DDX60: variants seen among roughly 807,000 people sequenced by gnomAD.
The protein encoded by DDX60 is probable ATP-dependent RNA helicase DDX60.
A neutral mutation model predicts 212.8 loss-of-function variants in DDX60; 165 were observed. The observed-to-expected ratio is 0.78, with a 90% confidence interval of 0.68 to 0.88. DDX60 has a LOEUF of 0.88. Among genes scored for constraint, DDX60 ranks in the 40% least tolerant of loss-of-function variants. DDX60 has a pLI of 0.00. For synonymous variants in DDX60, 703 were observed against 685.3 expected, an observed-to-expected ratio of 1.03 and a Z score of -0.40; for missense variants, 1,905 against 2,003.9, an observed-to-expected ratio of 0.95 and a Z score of 0.94.
chr4:168,319,962 ATTAC>A (rs1737563714), upstream of DDX60, among the ~76,000 whole-genome samples: 1 of 152,166 alleles, frequency 6.6e-6, no homozygotes, highest in Non-Finnish European at 1.5e-5. Context: ...CCATCAGACA[ATTAC>A]TTGTTTATTC....
intron 9 of DDX60, 65 bp downstream of exon 9, chr4:168,288,109 G>T: frequency 9.0e-7 from 1 of 1,106,988 alleles, no homozygotes; most frequent in African/African-American, 1.6e-5. Flanking sequence ...TTATTTTGTA[G>T]TTTTAAATTC....
At chr4:168,236,172 C>G (rs1733623534) in intron 33 of DDX60, 80 bp downstream of exon 33, 1 of 1,362,176 alleles carries the variant, frequency 7.3e-7, no homozygotes, top group African/African-American at 1.5e-5. Context: ...AATTAAAATT[C>G]TACAGCTGCT....
intron 1 of DDX60, among the ~76,000 whole-genome samples, chr4:168,312,350 G>A (rs1446551578): frequency 6.6e-6 from 1 of 152,130 alleles, no homozygotes; most frequent in African/African-American, 2.4e-5. Context: ...AAGTCTAGAG[G>A]ACAAATACAA....
At chr4:168,247,861 C>T (rs75439856) in intron 29 of DDX60, among the ~76,000 whole-genome samples, 4,710 of 152,240 alleles carry the variant, frequency 0.031, 227 homozygotes, top group African/African-American at 0.11. Context: ...TATCAAGCAC[C>T]TTTGATGTCT....
rs777675895 is a variant in DDX60, at chr4:168,260,939, T to C, written c.3324A>G (p.Glu1108=). 2 of 1,613,580 alleles carry C rather than the reference T, an allele frequency of 1.2e-6. No homozygotes were observed. Among genetic ancestry groups the C allele is most frequent in the South Asian group, 1.1e-5 (1 of 91,012 alleles). ...NLSPEADLSP[E]NMITMFPLLV... ...GAAGTGGAAACATGGTGATCATGTTTTCTGGACTCAAATCTGCTTCAGGAC... is the reference window on the plus strand; with the variant it reads ...GAAGTGGAAACATGGTGATCATGTTCTCTGGACTCAAATCTGCTTCAGGAC... Residue 1108 remains glutamate, a synonymous_variant, in exon 25 of 38, where the codon GAA becomes GAG. Transcript: ENST00000393743.
In DDX60 at chr4:168,283,607, C is replaced by G. The variant is rs1442266638; in HGVS notation, c.1562-1G>C. Reference sequence around the variant, plus strand: ...AGAACACGAGGGTCTCTAGATTTTTCTGAAAAAGAAAAGACTTAAAATGTA... The same window carrying G: ...AGAACACGAGGGTCTCTAGATTTTTGTGAAAAAGAAAAGACTTAAAATGTA... On this transcript the variant is annotated splice_acceptor_variant, in intron 12 of 37. Coordinates refer to ENST00000393743, the MANE Select transcript of DDX60 (RefSeq NM_017631.6). LOFTEE classifies it high-confidence loss of function. 6.3e-7 allele frequency: 1 copy of G among 1,588,094 alleles called. No individual in the cohort carries two copies. Among genetic ancestry groups the G allele is most frequent in the Non-Finnish European group, 8.6e-7 (1 of 1,169,234 alleles).
chr4:168,322,102 T>C (rs1235997464), upstream of DDX60, among the ~76,000 whole-genome samples: 1 of 152,156 alleles, frequency 6.6e-6, no homozygotes, highest in Non-Finnish European at 1.5e-5. Context: ...CCAATGAGGA[T>C]CCACTAATTG....
Position 168,252,492 on chromosome 4 carries a change from A to T in DDX60, c.3705+17T>A. On this transcript the variant is annotated intron_variant, in intron 27 of 37. Transcript: ENST00000393743. ...AAATGAAATAGTTTGGAGAACGATC[A>T]GGTTGTAAGTGCTGACCTCAGTGTC... 1 of 1,611,694 alleles carries T rather than the reference A, an allele frequency of 6.2e-7. No homozygotes were observed. Among genetic ancestry groups the T allele is most frequent in the Non-Finnish European group, 8.5e-7 (1 of 1,179,324 alleles).
intron 10 of DDX60, among the ~76,000 whole-genome samples, chr4:168,286,603 T>C (rs1735872564): frequency 6.6e-6 from 1 of 152,104 alleles, no homozygotes; most frequent in Admixed American, 6.6e-5. Context: ...GGATCCTTTC[T>C]TATTTAAGCC....
At chr4:168,303,533 C>G (rs1736741299) in intron 5 of DDX60, among the ~76,000 whole-genome samples, 1 of 152,134 alleles carries the variant, frequency 6.6e-6, no homozygotes, top group South Asian at 2.1e-4. Context: ...AGCCACAGAC[C>G]ACTTATATGT....
chr4:168,239,467 A>G (rs924397523), intron 30 of DDX60, among the ~76,000 whole-genome samples: 3 of 152,162 alleles, frequency 2.0e-5, no homozygotes, highest in African/African-American at 7.2e-5. Context: ...AGATAGATCA[A>G]TGTAGATAGA....
chr4:168,249,331 CTTTCTT>C (rs1426704198), intron 28 of DDX60, among the ~76,000 whole-genome samples: 1 of 152,046 alleles, frequency 6.6e-6, no homozygotes, highest in Non-Finnish European at 1.5e-5. Flanking sequence ...ATCATCTTCT[CTTTCTT>C]TTTATATTGA....
intron 14 of DDX60, among the ~76,000 whole-genome samples, chr4:168,278,273 G>A (rs1182696884): frequency 1.3e-5 from 2 of 152,190 alleles, no homozygotes; most frequent in Non-Finnish European, 2.9e-5. Context: ...AAAGAAATCC[G>A]TGCTAGTTTT....
intron 3 of DDX60, among the ~76,000 whole-genome samples, chr4:168,310,675 G>A (rs980636925): frequency 2.0e-5 from 3 of 152,104 alleles, no homozygotes; most frequent in African/African-American, 4.8e-5. Context: ...TTTTGGAGGA[G>A]TAAAAAGTTA....
chr4:168,322,940 G>A (rs1006468698), upstream of DDX60, among the ~76,000 whole-genome samples: 1 of 152,182 alleles, frequency 6.6e-6, no homozygotes, highest in Admixed American at 6.5e-5. Context: ...GAATAATTTT[G>A]CTGGCTGACT....
rs1451014533 is a variant in DDX60 at position 168,239,117 on chromosome 4, G to C, written c.4165-1322C>G. On this transcript the variant is annotated intron_variant, in intron 30 of 37. Coordinates refer to ENST00000393743, the MANE Select transcript of DDX60 (RefSeq NM_017631.6). ...AAATTGATCATCTTCCTAAAATTAT[G>C]GTGATGCTGTAAATATTTACTGAAT... Among the ~76,000 whole-genome samples, 4 of 152,020 alleles carry C rather than the reference G, an allele frequency of 2.6e-5. No homozygotes were observed. In the East Asian group the frequency reaches 7.7e-4, roughly 29 times the overall value.
intron 12 of DDX60, 25 bp downstream of exon 12, chr4:168,284,795 A>G (rs1401675872): frequency 1.3e-5 from 15 of 1,145,812 alleles, no homozygotes; most frequent in Non-Finnish European, 1.7e-5. Flanking sequence ...ATTTAAATTT[A>G]TATCACTGGA....
At chr4:168,229,421 T>C (rs944635841) in intron 33 of DDX60, among the ~76,000 whole-genome samples, 1 of 152,052 alleles carries the variant, frequency 6.6e-6, no homozygotes, top group Non-Finnish European at 1.5e-5. Flanking sequence ...GCCAATGGAA[T>C]TGGGGAAAGA....
chr4:168,323,621 G>A (rs770465487), upstream of DDX60, among the ~76,000 whole-genome samples: 1 of 152,174 alleles, frequency 6.6e-6, no homozygotes, highest in Non-Finnish European at 1.5e-5. Context: ...CTCCAAAGGG[G>A]ATAAGAAATG....
Sources: gnomAD v4.1 joint callset for allele counts (sites outside exome capture counted in the v4.1 genomes callset) on GRCh38, gnomAD v4.1.1 for gene constraint, MANE v1.5 for transcripts, NCBI Gene and HGNC (gene_info 2026-07-23, HGNC 2026-07-21) for gene names.